The following ADARB2 variants were observed in gnomAD, a reference collection of about 807,000 sequenced individuals.
The protein encoded by ADARB2 is adenosine deaminase RNA specific B2 (inactive), also known as inactive double-stranded RNA-specific editase B2.
In ADARB2, 25 loss-of-function variants were observed where a neutral mutation model predicts 62.2. That is an observed-to-expected ratio of 0.40 (90% CI 0.29 to 0.56). ADARB2 has a LOEUF of 0.56. Ranked by LOEUF, ADARB2 falls within the 20% of genes least tolerant of loss-of-function variation. The probability of loss-of-function intolerance (pLI) is 0.43; values close to 1 mark genes in which losing one functional copy is unlikely to be tolerated. For synonymous variants in ADARB2, 572 were observed against 500.8 expected (o/e 1.14, Z -1.90); for missense variants, 1,071 against 1,077.4 (o/e 0.99, Z 0.08).
At chr10:1,636,926 ATCTC>A (rs956746415) in intron 1 of ADARB2, among the ~76,000 whole-genome samples, 1 of 149,856 alleles carries the variant, frequency 6.7e-6, no homozygotes, top group African/African-American at 2.4e-5. Flanking sequence ...TATATATAAT[ATCTC>A]TCTCTATATA....
intron 1 of ADARB2, among the ~76,000 whole-genome samples, chr10:1,519,621 C>T (rs1256599441): frequency 2.6e-5 from 4 of 152,252 alleles, no homozygotes; most frequent in South Asian, 4.1e-4. Flanking sequence ...CTGTCAGCCC[C>T]GGGCCCTACC....
At chr10:1,623,540 T>C (rs1321554483) in intron 1 of ADARB2, among the ~76,000 whole-genome samples, 1 of 152,220 alleles carries the variant, frequency 6.6e-6, no homozygotes, top group Admixed American at 6.5e-5. Context: ...TAGAATTCCA[T>C]TGTCAGCGCC....
At chr10:1,520,707 C>G (rs1832062697) in intron 1 of ADARB2, among the ~76,000 whole-genome samples, 1 of 152,190 alleles carries the variant, frequency 6.6e-6, no homozygotes, top group Non-Finnish European at 1.5e-5. Context: ...TAAGGTCATT[C>G]TGTGTGCATT....
intron 8 of ADARB2, among the ~76,000 whole-genome samples, chr10:1,196,352 A>C (rs1836912122): frequency 6.6e-6 from 1 of 151,328 alleles, no homozygotes; most frequent in African/African-American, 2.4e-5. Flanking sequence ...CACTTTGTAA[A>C]TCATCAATAC....
At chr10:1,580,943 G>A (rs563532655) in intron 1 of ADARB2, among the ~76,000 whole-genome samples, 10 of 152,188 alleles carry the variant, frequency 6.6e-5, no homozygotes, top group Non-Finnish European at 1.2e-4. Context: ...ATGCACCATC[G>A]TGCGGATGAA....
chr10:1,674,420 A>G (rs10903539), intron 1 of ADARB2, among the ~76,000 whole-genome samples: 41,565 of 152,108 alleles, frequency 0.27, 6,639 homozygotes, highest in Non-Finnish European at 0.36. Context: ...GGTGGCACTG[A>G]GATTTTCAAT....
intron 1 of ADARB2, among the ~76,000 whole-genome samples, chr10:1,482,357 T>G (rs140169595): frequency 1.3e-5 from 2 of 152,276 alleles, no homozygotes; most frequent in African/African-American, 4.8e-5. Flanking sequence ...CGAATGGATA[T>G]CCATACAATG....
chr10:1,363,587 G>A lies in ADARB2; in HGVS notation c.518C>T (p.Thr173Ile). 2 of 1,592,488 alleles carry A rather than the reference G, an allele frequency of 1.3e-6. No homozygotes were observed. Among genetic ancestry groups the A allele is most frequent in the Non-Finnish European group, 1.7e-6 (2 of 1,169,940 alleles). The change falls in exon 3 of 10, where the codon ACC becomes ATC. Residue 173 changes from threonine (T) to isoleucine (I), a missense_variant. Thr to Ile is a moderately conservative substitution (Grantham distance 89, BLOSUM62 -1). Transcript: ENST00000381312. The stretch of plus-strand genomic sequence containing the variant: ...CGCGCGCATCTTGGCCTTCTTCTTG[G>A]TGGGGCCTGTGCCCTCGAACGTGAG... ...NGLTFEGTGP[T>I]KKKAKMRAAE...
At chr10:1,369,980 C>A (rs982789207) in intron 2 of ADARB2, among the ~76,000 whole-genome samples, 1 of 152,212 alleles carries the variant, frequency 6.6e-6, no homozygotes, top group Non-Finnish European at 1.5e-5. Context: ...ACAAATGGAA[C>A]CTACCACATG....
At chr10:1,505,376 G>GT (rs1325240058) in intron 1 of ADARB2, among the ~76,000 whole-genome samples, 235 of 144,366 alleles carry the variant, frequency 1.6e-3, no homozygotes, top group Middle Eastern at 7.1e-3. Context: ...GGATCGGAGG[G>GT]TTTTTGTTTT....
intron 4 of ADARB2, among the ~76,000 whole-genome samples, chr10:1,262,248 T>A (rs1831146209): frequency 6.8e-6 from 1 of 146,452 alleles, no homozygotes; most frequent in Non-Finnish European, 1.5e-5. Context: ...CATATGTAAC[T>A]AACCTGCACA....
chr10:1,422,905 C>A (rs758849138), intron 1 of ADARB2, among the ~76,000 whole-genome samples: 6 of 152,148 alleles, frequency 3.9e-5, no homozygotes, highest in African/African-American at 7.2e-5. Flanking sequence ...AGATGGAGCC[C>A]ACCGAGTCTC....
At chr10:1,528,226 C>G (rs973613435) in intron 1 of ADARB2, among the ~76,000 whole-genome samples, 2 of 152,230 alleles carry the variant, frequency 1.3e-5, no homozygotes, top group Non-Finnish European at 2.9e-5. Flanking sequence ...AGCTCCGCGC[C>G]TCCTGTGAGT....
rs1197679239 is a variant in ADARB2, at chr10:1,358,838, CACAA to C, written c.1077+4186_1077+4189del. Among the ~76,000 whole-genome samples, 9 of 152,238 alleles carry C rather than the reference CACAA, an allele frequency of 5.9e-5. No homozygotes were observed. The South Asian group carries it at 6.2e-4, about 11-fold the overall frequency. On this transcript the variant is annotated intron_variant, in intron 3 of 9. Coordinates refer to ENST00000381312, the MANE Select transcript of ADARB2 (RefSeq NM_018702.4). ...GGTACTTGAGGGTGAAAGATAAACT[CACAA>C]ACAAGTCAATAAACTTCCTTTTCAG...
At chr10:1,695,825 A>C (rs1156402278) in intron 1 of ADARB2, among the ~76,000 whole-genome samples, 2 of 150,812 alleles carry the variant, frequency 1.3e-5, no homozygotes, top group East Asian at 1.9e-4. Flanking sequence ...TGTTTGTGAG[A>C]GTGCATGCAT....
intron 3 of ADARB2, among the ~76,000 whole-genome samples, chr10:1,362,400 C>T (rs1832266323): frequency 6.6e-6 from 1 of 152,264 alleles, no homozygotes; most frequent in African/African-American, 2.4e-5. Flanking sequence ...GCGCCAAGAA[C>T]CTGGACACCT....
intron 3 of ADARB2, among the ~76,000 whole-genome samples, chr10:1,350,090 C>T (rs1832121275): frequency 6.6e-6 from 1 of 152,188 alleles, no homozygotes; most frequent in African/African-American, 2.4e-5. Context: ...TTATTTTCTT[C>T]TGCAACACCA....
chr10:1,571,146 A>G (rs781262745), intron 1 of ADARB2, among the ~76,000 whole-genome samples: 24 of 152,202 alleles, frequency 1.6e-4, no homozygotes, highest in Admixed American at 6.5e-5. Flanking sequence ...GTTAAAAGAA[A>G]GCCCACTCTA....
At chr10:1,284,588 C>G (rs546046180) in intron 3 of ADARB2, among the ~76,000 whole-genome samples, 7 of 152,216 alleles carry the variant, frequency 4.6e-5, no homozygotes, top group Admixed American at 4.6e-4. Flanking sequence ...AAGAACCGTC[C>G]CATTTTATAA....
Sources: gnomAD v4.1 joint callset for allele counts (sites outside exome capture counted in the v4.1 genomes callset) on GRCh38, gnomAD v4.1.1 for gene constraint, MANE v1.5 for transcripts, NCBI Gene and HGNC (gene_info 2026-07-23, HGNC 2026-07-21) for gene names.